The following PRKCQ variants were observed in gnomAD, a reference collection of about 807,000 sequenced individuals.
PRKCQ encodes the protein protein kinase C theta.
PRKCQ carries 41 observed loss-of-function variants against 91.2 expected under a neutral mutation model. The observed-to-expected ratio is 0.45, with a 90% CI of 0.35 to 0.58. PRKCQ has a LOEUF of 0.58. Among genes scored for constraint, PRKCQ ranks in the 20% least tolerant of loss-of-function variants. PRKCQ has a pLI of 0.00. For missense variants in PRKCQ, 673 were observed against 896.5 expected, an observed-to-expected ratio of 0.75 and a Z score of 3.18; for synonymous variants, 307 against 316.9, an observed-to-expected ratio of 0.97 and a Z score of 0.33.
At chr10:6,468,651 T>G (rs1300300110) in intron 12 of PRKCQ, among the ~76,000 whole-genome samples, 1 of 152,244 alleles carries the variant, frequency 6.6e-6, no homozygotes, top group Non-Finnish European at 1.5e-5. Flanking sequence ...GGTATCTTTT[T>G]TCTCCGAAGG....
At chr10:6,524,439 C>A (rs868098368) in intron 1 of PRKCQ, among the ~76,000 whole-genome samples, 1 of 152,176 alleles carries the variant, frequency 6.6e-6, no homozygotes, top group African/African-American at 2.4e-5. Context: ...ATTTCAGTCC[C>A]TTTCCACAGC....
Position 6,479,076 on chromosome 10 carries a change from C to T in PRKCQ, c.1269G>A (p.Glu423=), listed in dbSNP as rs776935962. The T allele has an allele frequency of 6.2e-7, 1 of 1,614,082 alleles. No homozygotes were observed. The change falls in exon 12 of 18, where the codon GAG becomes GAA. Residue 423 remains glutamate, a synonymous_variant. Transcript: ENST00000263125. ...KDVVLMDDDV[E]CTMVEKRVLS... The stretch of plus-strand genomic sequence containing the variant: ...GAACTCTCTTCTCTACCATCGTGCA[C>T]TCAACATCATCGTCCATCAAGACCA...
intron 2 of PRKCQ, chr10:6,512,298 A>G (rs1042538539): frequency 2.0e-5 from 3 of 152,204 alleles, no homozygotes; most frequent in African/African-American, 7.2e-5. Context: ...CAAGTCAGAG[A>G]GGTGGTGCTG....
chr10:6,468,572 G>A (rs7895774), intron 12 of PRKCQ, among the ~76,000 whole-genome samples: 34,056 of 152,106 alleles, frequency 0.22, 4,370 homozygotes, highest in Middle Eastern at 0.31. Flanking sequence ...GATCAGATTT[G>A]TAGACTCCCT....
intron 1 of PRKCQ, among the ~76,000 whole-genome samples, chr10:6,521,936 T>TATTTATTTATTTATTTATTTATTC (rs1839026992): frequency 6.6e-6 from 1 of 151,154 alleles, no homozygotes; most frequent in Non-Finnish European, 1.5e-5. Context: ...TTTATTTATT[T>TATTTATTTATTTATTTATTTATTC]ATTTATTTAT....
At chr10:6,562,536 C>A (rs943615718) in intron 1 of PRKCQ, among the ~76,000 whole-genome samples, 1 of 151,980 alleles carries the variant, frequency 6.6e-6, no homozygotes, top group African/African-American at 2.4e-5. Flanking sequence ...CATTGGACAG[C>A]AAAACAAGGA....
At chr10:6,511,310 G>T (rs955214896) in intron 2 of PRKCQ, 116 bp from the exon 3 acceptor site, 2 of 989,036 alleles carry the variant, frequency 2.0e-6, no homozygotes, top group Admixed American at 4.4e-5. Context: ...AATTCTGTTG[G>T]GAAGACAAAA....
the PRKCQ span, among the ~76,000 whole-genome samples, chr10:6,416,914 G>T: frequency 5.3e-5 from 8 of 152,156 alleles, no homozygotes; most frequent in Non-Finnish European, 2.9e-5. Context: ...ATTCTTGCAG[G>T]AGTAAGGTGG....
the PRKCQ span, among the ~76,000 whole-genome samples, chr10:6,396,365 G>A: frequency 2.0e-5 from 3 of 152,154 alleles, no homozygotes; most frequent in East Asian, 5.8e-4. Context: ...TTGTGTAACT[G>A]CCATCACAGT....
chr10:6,490,769 A>G (rs908572856), intron 8 of PRKCQ, among the ~76,000 whole-genome samples: 5 of 152,032 alleles, frequency 3.3e-5, no homozygotes, highest in Admixed American at 2.6e-4. Flanking sequence ...AAGTAAAAGA[A>G]GAAGAAAAAA....
At chr10:6,519,441 C>G (rs981763031) in intron 1 of PRKCQ, among the ~76,000 whole-genome samples, 4 of 152,164 alleles carry the variant, frequency 2.6e-5, no homozygotes, top group African/African-American at 9.7e-5. Context: ...GGCATCACAA[C>G]CTCCTAAATT....
At chr10:6,578,995 G>A (rs1472371672) in intron 1 of PRKCQ, among the ~76,000 whole-genome samples, 2 of 152,208 alleles carry the variant, frequency 1.3e-5, no homozygotes, top group African/African-American at 4.8e-5. Flanking sequence ...CTTCTAGGGA[G>A]CAAACCAAGG....
intron 3 of PRKCQ, 36 bp from the exon 4 acceptor site, chr10:6,507,532 G>A: frequency 6.3e-7 from 1 of 1,578,334 alleles, no homozygotes; most frequent in South Asian, 1.1e-5. Context: ...CAGTCAGAAT[G>A]TGAAACAAGC....
intron 12 of PRKCQ, among the ~76,000 whole-genome samples, chr10:6,467,733 G>T (rs1835765605): frequency 6.6e-6 from 1 of 152,082 alleles, no homozygotes; most frequent in Admixed American, 6.5e-5. Context: ...ACCATCACAG[G>T]GCCTTGGTTT....
chr10:6,555,364 T>C (rs1003644111), intron 1 of PRKCQ, among the ~76,000 whole-genome samples: 1 of 152,206 alleles, frequency 6.6e-6, no homozygotes, highest in Non-Finnish European at 1.5e-5. Flanking sequence ...GTTATTTGTA[T>C]ACATAACAGG....
chr10:6,506,224 A>G (rs1489271317), intron 4 of PRKCQ, among the ~76,000 whole-genome samples: 1 of 152,226 alleles, frequency 6.6e-6, no homozygotes, highest in South Asian at 2.1e-4. Context: ...TCTTTTAAAA[A>G]AATTTTATTA....
chr10:6,490,560 T>TAAA lies in PRKCQ; in HGVS notation c.790+1120_790+1122dup, dbSNP rs71515438. Among the ~76,000 whole-genome samples the TAAA allele has an allele frequency of 6.7e-4, 87 of 129,244 alleles. 2 individuals are homozygous for TAAA. Among genetic ancestry groups the TAAA allele is most frequent in the Middle Eastern group, 4.0e-3 (1 of 252 alleles). The allele number at this position is 129,244 out of a possible 152,430, so 84.8% of individuals were successfully genotyped here. A position where few individuals can be genotyped will look rare whatever the true frequency, so the allele number is the denominator to read the frequency against. On this transcript the variant is annotated intron_variant, in intron 8 of 17. Coordinates refer to ENST00000263125, the MANE Select transcript of PRKCQ (RefSeq NM_006257.5). ...GGGCAACATAGCAAGACCATACCTCTAAAAAAAAAAAAAAACAAAGAAAAA... is the reference window on the plus strand; with the variant it reads ...GGGCAACATAGCAAGACCATACCTCTAAAAAAAAAAAAAAAAAACAAAGAAAAA...
the PRKCQ span, among the ~76,000 whole-genome samples, chr10:6,398,212 T>G: frequency 1.3e-5 from 2 of 152,246 alleles, no homozygotes; most frequent in African/African-American, 4.8e-5. Context: ...TATTTATGTA[T>G]GAACTCTGTA....
chr10:6,579,055 G>GCCTCACGGAT lies in PRKCQ; in HGVS notation c.-10+1155_-10+1156insATCCGTGAGG, dbSNP rs554002634. ...CCAGGCTTCTTGCCTCTCTCACGGA[G>GCCTCACGGAT]CCTCACGAATCCCAGTGGTTTAGAA... On this transcript the variant is annotated intron_variant, in intron 1 of 17. Coordinates refer to ENST00000263125, the MANE Select transcript of PRKCQ (RefSeq NM_006257.5). Among the ~76,000 whole-genome samples, 85 of 152,344 alleles carry GCCTCACGGAT rather than the reference G, an allele frequency of 5.6e-4. 1 individual carries two copies. Among genetic ancestry groups the GCCTCACGGAT allele is most frequent in the Admixed American group, 2.2e-3 (34 of 15,306 alleles).
Sources: gnomAD v4.1 joint callset for allele counts (sites outside exome capture counted in the v4.1 genomes callset) on GRCh38, gnomAD v4.1.1 for gene constraint, MANE v1.5 for transcripts, NCBI Gene and HGNC (gene_info 2026-07-23, HGNC 2026-07-21) for gene names.